UBE2H: variants seen among roughly 807,000 people sequenced by gnomAD.
The protein encoded by UBE2H is ubiquitin-conjugating enzyme E2 H.
A neutral mutation model predicts 29.0 loss-of-function variants in UBE2H; 3 were observed. The observed-to-expected ratio is 0.10, with a 90% CI of 0.05 to 0.27. The LOEUF (loss-of-function observed/expected upper bound fraction) is 0.27. Among genes scored for constraint, UBE2H ranks in the 10% least tolerant of loss-of-function variants. The pLI, the probability that UBE2H is intolerant of heterozygous loss-of-function variation, is 1.00. For missense variants in UBE2H, 68 were observed against 228.2 expected, an observed-to-expected ratio of 0.30 and a Z score of 4.52; for synonymous variants, 69 against 82.9, an observed-to-expected ratio of 0.83 and a Z score of 0.91.
chr7:129,871,583 A>C (rs1304098273), intron 3 of UBE2H, among the ~76,000 whole-genome samples: 1 of 152,104 alleles, frequency 6.6e-6, no homozygotes, highest in Non-Finnish European at 1.5e-5. Context: ...GCGTGTTGGC[A>C]CATGCCTGTA....
intron 5 of UBE2H, among the ~76,000 whole-genome samples, chr7:129,854,060 G>GGTTTTTTTTTTTTTT (rs1554430936): frequency 1.0e-5 from 1 of 100,310 alleles, no homozygotes; most frequent in Non-Finnish European, 2.0e-5. Context: ...TTTAGTGTTA[G>GGTTTTTTTTTTTTTT]TTTTTTTTTT....
chr7:129,878,858 CA>C (rs11405982), intron 3 of UBE2H, among the ~76,000 whole-genome samples: 21 of 144,642 alleles, frequency 1.5e-4, no homozygotes, highest in East Asian at 2.0e-4. Flanking sequence ...TAAAGTGAAG[CA>C]AAAAAAAAAA....
intron 1 of UBE2H, among the ~76,000 whole-genome samples, chr7:129,944,974 T>C: frequency 6.6e-6 from 1 of 151,748 alleles, no homozygotes. Flanking sequence ...ATGAACTAAA[T>C]AACATGGGTG....
chr7:129,886,677 C>T (rs955412045), intron 1 of UBE2H, among the ~76,000 whole-genome samples: 1 of 150,348 alleles, frequency 6.7e-6, no homozygotes, highest in African/African-American at 2.5e-5. Flanking sequence ...GTGTTCAGAC[C>T]CACCTGCTTC....
chr7:129,949,774 A>G (rs958827406), intron 1 of UBE2H, among the ~76,000 whole-genome samples: 1 of 152,160 alleles, frequency 6.6e-6, no homozygotes, highest in Middle Eastern at 3.4e-3. Context: ...CTACTTTCCT[A>G]CTATATAGGT....
At chr7:129,927,853 T>C (rs942267747) in intron 1 of UBE2H, among the ~76,000 whole-genome samples, 15 of 151,664 alleles carry the variant, frequency 9.9e-5, no homozygotes, top group Admixed American at 7.9e-4. Flanking sequence ...AAATTACAGA[T>C]AGATAAGAGA....
In UBE2H at chr7:129,870,778, T is replaced by C. The variant is rs1806014340; in HGVS notation, c.205+8790A>G. Among the ~76,000 whole-genome samples, 4 of 152,134 alleles carry C rather than the reference T, an allele frequency of 2.6e-5. No homozygotes were observed. In the South Asian group the frequency reaches 8.3e-4, roughly 32 times the overall value. On this transcript the variant is annotated intron_variant, in intron 3 of 6. Transcript: ENST00000355621. ...TGCTGAAAACTATGTAATCTTTCTA[T>C]TACATTTAAAATGAAAGTCGAGCCT... is the stretch of plus-strand genomic sequence containing the variant.
intron 1 of UBE2H, among the ~76,000 whole-genome samples, chr7:129,933,404 G>T (rs963832116): frequency 3.3e-5 from 5 of 152,148 alleles, no homozygotes; most frequent in African/African-American, 1.2e-4. Flanking sequence ...TCCATAATTT[G>T]GATGAGTTTA....
At position 129,834,805 on chromosome 7, in the gene UBE2H, T is replaced by C. The variant is rs1021461454; in HGVS notation, c.*132A>G. ...TCTAAAGGGTGATATATAATATATA[T>C]ATATCAATGCTATTATTCATAAAAA... On this transcript the variant is annotated 3_prime_UTR_variant, in exon 7 of 7. Transcript: ENST00000355621. The C allele has an allele frequency of 1.0e-5, 10 of 974,916 alleles. No homozygotes were observed. Among genetic ancestry groups the C allele is most frequent in the African/African-American group, 5.0e-5 (3 of 60,540 alleles). 60.4% of individuals were successfully genotyped at this position (974,916 alleles called of 1,614,324 possible). A position where few individuals can be genotyped will look rare whatever the true frequency, so the allele number is the denominator to read the frequency against.
chr7:129,878,123 G>C (rs552608646), intron 3 of UBE2H, among the ~76,000 whole-genome samples: 1 of 152,172 alleles, frequency 6.6e-6, no homozygotes, highest in Non-Finnish European at 1.5e-5. Flanking sequence ...TGGGGACAGG[G>C]AACCACAACA....
rs565891572 is a variant in UBE2H at position 129,832,614 on chromosome 7, G to A, written c.*2323C>T. 2 of 152,262 alleles carry A rather than the reference G, an allele frequency of 1.3e-5. No individual in the cohort carries two copies. The highest frequency in any genetic ancestry group is 2.4e-5 in the African/African-American group (1 of 41,528). The allele number at this position is 152,262 out of a possible 1,614,324, so 9.4% of individuals were successfully genotyped here. On this transcript the variant is annotated 3_prime_UTR_variant, in exon 7 of 7. Coordinates refer to ENST00000355621, the MANE Select transcript of UBE2H (RefSeq NM_003344.4). ...CTCTGGTGCTGGGGCTCTGGTCAGA[G>A]GCGAGCCAATGTCTTATCATTAGAG...
chr7:129,902,479 G>A (rs552312823), intron 1 of UBE2H, among the ~76,000 whole-genome samples: 13 of 152,236 alleles, frequency 8.5e-5, no homozygotes, highest in African/African-American at 2.4e-4. Context: ...CAGCCTGGGC[G>A]ACAGAGCGAG....
At chr7:129,892,682 C>T (rs530683085) in intron 1 of UBE2H, among the ~76,000 whole-genome samples, 5 of 152,274 alleles carry the variant, frequency 3.3e-5, no homozygotes, top group African/African-American at 1.2e-4. Flanking sequence ...ATTTCCCATA[C>T]TGTTATGCTA....
chr7:129,918,754 C>T (rs191952531), intron 1 of UBE2H, among the ~76,000 whole-genome samples: 2 of 152,134 alleles, frequency 1.3e-5, no homozygotes, highest in African/African-American at 4.8e-5. Context: ...ACAATGTAGA[C>T]CCTTTCTCTA....
Position 129,831,711 on chromosome 7 carries a change from A to G in UBE2H, c.*3226T>C, listed in dbSNP as rs998288029. 1 of 152,268 alleles carries G rather than the reference A, an allele frequency of 6.6e-6. No homozygotes were observed. Among genetic ancestry groups the G allele is most frequent in the Non-Finnish European group, 1.5e-5 (1 of 68,068 alleles). The allele number at this position is 152,268 out of a possible 1,614,324, so 9.4% of individuals were successfully genotyped here. A position where few individuals can be genotyped will look rare whatever the true frequency, so the allele number is the denominator to read the frequency against. ...CTCAAGGAGGGTGATGAAATTGACG[A>G]CAAAGCCAAATGTCAGTGTCTAAGA... On this transcript the variant is annotated 3_prime_UTR_variant, in exon 7 of 7. Coordinates refer to ENST00000355621, the MANE Select transcript of UBE2H (RefSeq NM_003344.4).
chr7:129,872,935 C>CAG (rs1033841915), intron 3 of UBE2H, among the ~76,000 whole-genome samples: 3 of 149,276 alleles, frequency 2.0e-5, no homozygotes, highest in African/African-American at 7.4e-5. Flanking sequence ...GGAACTCTGA[C>CAG]AGGCTGTCCA....
At chr7:129,932,773 CAAA>C (rs1208871059) in intron 1 of UBE2H, among the ~76,000 whole-genome samples, 1 of 33,210 alleles carries the variant, frequency 3.0e-5, no homozygotes, top group East Asian at 8.6e-4. Context: ...GACTCCGTCT[CAAA>C]AAAAAAAAAA....
Position 129,935,152 on chromosome 7 carries a change from T to C in UBE2H, c.53+17351A>G, listed in dbSNP as rs377527870. On this transcript the variant is annotated intron_variant, in intron 1 of 6. Coordinates refer to ENST00000355621, the MANE Select transcript of UBE2H (RefSeq NM_003344.4). Reference sequence around the variant, plus strand: ...TTAAAAATAAATTTAAGGCTGGGCATGGTGGCTCACATCTGTAATCCCACC... The same window carrying C: ...TTAAAAATAAATTTAAGGCTGGGCACGGTGGCTCACATCTGTAATCCCACC... Among the ~76,000 whole-genome samples the C allele has an allele frequency of 1.8e-3, 277 of 151,540 alleles. 2 individuals are homozygous for C. The highest frequency in any genetic ancestry group is 5.4e-3 in the South Asian group (26 of 4,812).
chr7:129,854,060 GTTTTTT>G (rs56362841), intron 5 of UBE2H, among the ~76,000 whole-genome samples: 3 of 100,310 alleles, frequency 3.0e-5, no homozygotes, highest in African/African-American at 1.2e-4. Context: ...TTTAGTGTTA[GTTTTTT>G]TTTTTTTTTT....
Sources: gnomAD v4.1 joint callset for allele counts (sites outside exome capture counted in the v4.1 genomes callset) on GRCh38, gnomAD v4.1.1 for gene constraint, MANE v1.5 for transcripts, NCBI Gene and HGNC (gene_info 2026-07-23, HGNC 2026-07-21) for gene names.